Variants in IGSF9 observed in about 807,000 individuals in gnomAD.
The protein encoded by IGSF9 is immunoglobulin superfamily member 9.
Under a neutral mutation model 121.7 loss-of-function variants are expected in IGSF9, and 87 were observed. That is an observed-to-expected ratio of 0.71 (90% CI 0.60 to 0.85). IGSF9 has a LOEUF of 0.85. IGSF9 is among the 40% of genes least tolerant of loss of function. IGSF9 has a pLI of 0.00. For synonymous variants in IGSF9, 640 were observed against 648.4 expected, an observed-to-expected ratio of 0.99 and a Z score of 0.20; for missense variants, 1,462 against 1,565.3, an observed-to-expected ratio of 0.93 and a Z score of 1.11.
At position 159,927,627 on chromosome 1, in the gene IGSF9, A is replaced by AG; in HGVS notation, c.3359-102dup. The AG allele has an allele frequency of 2.6e-6, 4 of 1,537,256 alleles. No individual in the cohort carries two copies. The South Asian group carries it at 4.9e-5, about 19-fold the overall frequency. The stretch of plus-strand genomic sequence containing the variant: ...AGGCCCTTCCAGTACAGATGGCCCA[A>AG]GGGGGCAAGGCACAGTCTAGAGCAG... On this transcript the variant is annotated intron_variant, in intron 20 of 20. Transcript: ENST00000368094.
chr1:159,938,201 G>T (rs930126684), intron 3 of IGSF9, among the ~76,000 whole-genome samples: 3 of 152,112 alleles, frequency 2.0e-5, no homozygotes, highest in Non-Finnish European at 4.4e-5. Flanking sequence ...GTCCACCTCT[G>T]GGCTCTTTAT....
At chr1:159,936,661 G>A (rs1473865777) in intron 5 of IGSF9, 93 bp downstream of exon 5, 9 of 1,548,560 alleles carry the variant, frequency 5.8e-6, no homozygotes, top group Non-Finnish European at 7.9e-6. Context: ...CTCCAGCCTG[G>A]CCTTTGCCTC....
chr1:159,941,665 C>T (rs982700584), intron 3 of IGSF9, among the ~76,000 whole-genome samples: 1 of 152,240 alleles, frequency 6.6e-6, no homozygotes, highest in Non-Finnish European at 1.5e-5. Flanking sequence ...AAAAGCCCCT[C>T]CCTCTTCCAC....
In IGSF9 at chr1:159,930,790, G is replaced by C. The variant is rs139085517; in HGVS notation, c.1715C>G (p.Pro572Arg). 258 of 1,613,954 alleles carry C rather than the reference G, an allele frequency of 1.6e-4. No individual in the cohort carries two copies. Among genetic ancestry groups the C allele is most frequent in the Admixed American group, 4.7e-4 (28 of 59,992 alleles). Residue 572 changes from proline (P) to arginine (R), a missense_variant, in exon 14 of 21, where the codon CCA (proline) becomes CGA (arginine). This residue lies in a region of IGSF9 where 808 missense variants were observed against 815.2 expected (regional missense o/e 0.99). Coordinates refer to ENST00000368094, the MANE Select transcript of IGSF9 (RefSeq NM_001135050.2). ...VPVGAAHLLV[P>R]GLQPHTQYQF... Reference sequence around the variant, plus strand: ...GTACTGGGTGTGGGGCTGCAGCCCTGGCACTAGGAGGTGAGCAGCCCCCAC... The same window carrying C: ...GTACTGGGTGTGGGGCTGCAGCCCTCGCACTAGGAGGTGAGCAGCCCCCAC...
intron 14 of IGSF9, 80 bp from the exon 15 acceptor site, chr1:159,930,519 C>T (rs1428819562): frequency 1.3e-6 from 2 of 1,520,128 alleles, no homozygotes; most frequent in Admixed American, 2.2e-5. Flanking sequence ...CAGTGCCCAA[C>T]TCTTCTCCCA....
chr1:159,934,198 G>T lies in IGSF9; in HGVS notation c.1096C>A (p.Leu366Met). The change falls in exon 9 of 21, where the codon CTG becomes ATG. Residue 366 changes from leucine (L) to methionine (M), a missense_variant. By Grantham distance (15) the Leu-to-Met change is conservative. Around this residue, in one of 3 missense-constraint regions of IGSF9, gnomAD observed 558 missense variants for 599.4 expected, o/e 0.93. Coordinates refer to ENST00000368094, the MANE Select transcript of IGSF9 (RefSeq NM_001135050.2). ...SWTKDGKALQ[L>M]DKFPGWSQGT... is the part of the protein sequence containing the mutation. ...CTGCCCCAAGCCTGTACCTTGTCCA[G>T]CTGCAGGGCCTTTCCATCCTTGGTC... 6.2e-7 allele frequency: 1 copy of T among 1,613,082 alleles called. No individual in the cohort carries two copies. The highest frequency in any genetic ancestry group is 8.5e-7 in the Non-Finnish European group (1 of 1,179,596).
chr1:159,934,550 C>G lies in IGSF9; in HGVS notation c.836G>C (p.Arg279Pro), dbSNP rs200029238. 6.2e-7 allele frequency: 1 copy of G among 1,613,856 alleles called. No homozygotes were observed. The highest frequency in any genetic ancestry group is 1.7e-5 in the Admixed American group (1 of 60,004). ...FHISRLQPRV[R>P]ILVDGSLRLL... The stretch of plus-strand genomic sequence containing the variant: ...CCGCAGGCTCCCGTCCACCAGGATC[C>G]GCACCCGGGGCTGCAGGCGGCTGCA... The change falls in exon 8 of 21, where the codon CGG (arginine) becomes CCG (proline). Residue 279 changes from arginine (R) to proline (P), a missense_variant. Arg to Pro is a moderately radical substitution (Grantham distance 103). This residue lies in a region of IGSF9 where 558 missense variants were observed against 599.4 expected (regional missense o/e 0.93). Coordinates refer to ENST00000368094, the MANE Select transcript of IGSF9 (RefSeq NM_001135050.2).
At position 159,929,906 on chromosome 1, in the gene IGSF9, T is replaced by TGGC. The variant is rs1470943176; in HGVS notation, c.2131_2133dup (p.Ala711dup). On this transcript the variant is annotated inframe_insertion, in exon 16 of 21. Transcript: ENST00000368094. ...AGGTGCTCACCGGAAGTGGAGACGT[T>TGGC]GGCCGTGTTGCTGGGGTCGCTGACG... The TGGC allele has an allele frequency of 6.3e-7, 1 of 1,575,464 alleles. No homozygotes were observed. Among genetic ancestry groups the TGGC allele is most frequent in the Admixed American group, 1.9e-5 (1 of 53,814 alleles).
rs1651463244 is a variant in IGSF9, at chr1:159,943,227, T to C, written c.59-76A>G. The C allele has an allele frequency of 1.0e-5, 14 of 1,377,758 alleles. 1 individual carries two copies. The East Asian group carries it at 3.4e-4, about 33-fold the overall frequency. The allele number at this position is 1,377,758 out of a possible 1,614,324, so 85.3% of individuals were successfully genotyped here. ...GGAGGGGGAGTGCCATCAGTATCTC[T>C]GTAGGCACCTTAGGACTTTGGGTGA... On this transcript the variant is annotated intron_variant, in intron 2 of 20. Coordinates refer to ENST00000368094, the MANE Select transcript of IGSF9 (RefSeq NM_001135050.2).
At chr1:159,928,050 G>C in intron 19 of IGSF9, 108 bp downstream of exon 19, 2 of 1,490,942 alleles carry the variant, frequency 1.3e-6, no homozygotes, top group Non-Finnish European at 1.8e-6. Flanking sequence ...AAGTTTTCCC[G>C]TTCCCAGGGT....
Position 159,932,523 on chromosome 1 carries a change from C to G in IGSF9, c.1234G>C (p.Val412Leu), listed in dbSNP as rs753237961. 14 of 1,613,736 alleles carry G rather than the reference C, an allele frequency of 8.7e-6. No individual in the cohort carries two copies. Among genetic ancestry groups the G allele is most frequent in the African/African-American group, 1.3e-5 (1 of 74,842 alleles). Residue 412 changes from valine to leucine, a missense_variant, in exon 10 of 21, where the codon GTG becomes CTG. By Grantham distance (32) the Val-to-Leu change is conservative (BLOSUM62 1). Transcript: ENST00000368094. The surrounding 1 kb of genome is among the most constrained non-coding windows in gnomAD (Gnocchi z 4.1). ...GTAGPSPVTR[V>L]LLKAPPAFIE... ...ACCCCCGGCCTAACCTTGAGCAGCA[C>G]GCGGGTCACAGGAGAGGGCCCGGCG...
At chr1:159,941,766 G>A (rs1050389701) in intron 3 of IGSF9, among the ~76,000 whole-genome samples, 6 of 152,338 alleles carry the variant, frequency 3.9e-5, no homozygotes, top group East Asian at 1.9e-4. Flanking sequence ...CTGGGCAGGC[G>A]GAGGCAGGGA....
chr1:159,934,728 G>A lies in IGSF9; in HGVS notation c.768C>T (p.Asn256=). The stretch of plus-strand genomic sequence containing the variant: ...TGTCCTGGAACCAGCTGTAGGTGAG[G>A]TTAGCAGGGTATGCCTCAGCATGGC... ...LACHAEAYPA[N]LTYSWFQDNI... is the part of the protein sequence containing the mutation. The change falls in exon 7 of 21, where the codon AAC becomes AAT. Residue 256 remains asparagine (N), a synonymous_variant. Coordinates refer to ENST00000368094, the MANE Select transcript of IGSF9 (RefSeq NM_001135050.2). The A allele has an allele frequency of 6.2e-7, 1 of 1,614,254 alleles. No individual in the cohort carries two copies. Among genetic ancestry groups the A allele is most frequent in the Non-Finnish European group, 8.5e-7 (1 of 1,180,044 alleles).
intron 15 of IGSF9, 96 bp downstream of exon 15, chr1:159,930,093 A>G: frequency 6.5e-7 from 1 of 1,545,544 alleles, no homozygotes; most frequent in Non-Finnish European, 8.8e-7. Flanking sequence ...AGAGGTGAAG[A>G]GCTCAAATCA....
chr1:159,931,679 G>A lies in IGSF9; in HGVS notation c.1363-76C>T. The A allele has an allele frequency of 6.4e-7, 1 of 1,555,790 alleles. No homozygotes were observed. The highest frequency in any genetic ancestry group is 8.8e-7 in the Non-Finnish European group (1 of 1,141,688). ...AAGGCGCCCCTCATCTCTCCAGGCA[G>A]CTCCAGTTCCTCCCCACCCTGCCTC... On this transcript the variant is annotated intron_variant, in intron 11 of 20. Coordinates refer to ENST00000368094, the MANE Select transcript of IGSF9 (RefSeq NM_001135050.2). The surrounding 1 kb of genome is among the most constrained non-coding windows in gnomAD (Gnocchi z 4.8).
chr1:159,937,365 T>A (rs1651227809), intron 4 of IGSF9, among the ~76,000 whole-genome samples: 4 of 137,794 alleles, frequency 2.9e-5, no homozygotes, highest in African/African-American at 1.1e-4. Flanking sequence ...TGAGCTGTGT[T>A]TCACTCAGGG....
Position 159,928,699 on chromosome 1 carries a change from G to A in IGSF9, c.2689C>T (p.Pro897Ser), listed in dbSNP as rs754681693. 6.8e-7 allele frequency: 1 copy of A among 1,478,722 alleles called. No homozygotes were observed. Among genetic ancestry groups the A allele is most frequent in the Non-Finnish European group, 9.0e-7 (1 of 1,113,118 alleles). The allele number at this position is 1,478,722 out of a possible 1,614,324, so 91.6% of individuals were successfully genotyped here. A position where few individuals can be genotyped will look rare whatever the true frequency, so the allele number is the denominator to read the frequency against. Residue 897 changes from proline to serine, a missense_variant, in exon 19 of 21, where the codon CCC becomes TCC. Around this residue, in one of 3 missense-constraint regions of IGSF9, gnomAD observed 808 missense variants for 815.2 expected, o/e 0.99. Transcript: ENST00000368094. The part of the protein sequence containing the change: ...SSSSPSGAPQ[P>S]LCIEDISPVA... The stretch of plus-strand genomic sequence containing the variant: ...GGGCTGATGTCTTCAATGCAGAGGG[G>A]CTGGGGTGCCCCACTGGGGCTGCTG...
rs1571214885 is a variant in IGSF9, at chr1:159,932,874, G to A, written c.1105-222C>T. 1 of 498,208 alleles carries A rather than the reference G, an allele frequency of 2.0e-6. No individual in the cohort carries two copies. Among genetic ancestry groups the A allele is most frequent in the East Asian group, 3.5e-5 (1 of 28,254 alleles). 30.9% of individuals were successfully genotyped at this position (498,208 alleles called of 1,614,324 possible). ...GAGGCTGTGACTGCACAACTCCAGG[G>A]GGTGCCACTCACAGAAAATACACTG... On this transcript the variant is annotated intron_variant, in intron 9 of 20. Transcript: ENST00000368094. The surrounding 1 kb of genome is among the most constrained non-coding windows in gnomAD (Gnocchi z 4.1).
Position 159,930,709 on chromosome 1 carries a change from A to C in IGSF9, c.1796T>G (p.Val599Gly). Residue 599 changes from valine (V) to glycine (G), a missense_variant, in exon 14 of 21, where the codon GTC becomes GGC. Around this residue, in one of 3 missense-constraint regions of IGSF9, gnomAD observed 808 missense variants for 815.2 expected, o/e 0.99. Transcript: ENST00000368094. ...KLGSGPFSEI[V>G]LSAPEGLPTT... ...CTTCTCACCTTCCGGAGCAGACAAG[A>C]CGATTTCGCTGAAGGGACCACTCCC... 1.9e-6 allele frequency: 3 copies of C among 1,614,034 alleles called. No homozygotes were observed. Among genetic ancestry groups the C allele is most frequent in the Non-Finnish European group, 2.5e-6 (3 of 1,179,992 alleles).
Sources: allele counts gnomAD v4.1 joint callset (sites outside exome capture counted in the v4.1 genomes callset), GRCh38; gene constraint gnomAD v4.1.1; regional missense constraint gnomAD v4.1.1; non-coding constraint Gnocchi (gnomAD v3.1); transcripts MANE v1.5; gene names NCBI Gene and HGNC (gene_info 2026-07-23, HGNC 2026-07-21).